Variants in ARL15 observed in about 807,000 individuals in gnomAD.
ARL15 encodes the protein ADP-ribosylation factor-like protein 15.
In ARL15, 19 loss-of-function variants were observed where a neutral mutation model predicts 25.2. The ratio of observed to expected loss-of-function variants is 0.75; its 90% CI spans 0.53 to 1.10. The LOEUF is 1.10. Ranked by LOEUF, ARL15 falls within the 50% of genes least tolerant of loss-of-function variation. The probability of loss-of-function intolerance (pLI) is 0.00; values close to 1 mark genes in which losing one functional copy is unlikely to be tolerated. For missense variants in ARL15, 220 were observed against 246.0 expected, an observed-to-expected ratio of 0.89 and a Z score of 0.71; for synonymous variants, 94 against 86.8, an observed-to-expected ratio of 1.08 and a Z score of -0.46.
At chr5:54,069,725 G>A (rs1276720513) in intron 4 of ARL15, among the ~76,000 whole-genome samples, 1 of 151,702 alleles carries the variant, frequency 6.6e-6, no homozygotes, top group Non-Finnish European at 1.5e-5. Flanking sequence ...TCGGCTCACT[G>A]CAACCTCTGC....
Position 54,158,238 on chromosome 5 carries a change from C to T in ARL15, c.194-3599G>A, listed in dbSNP as rs573843900. On this transcript the variant is annotated intron_variant, in intron 2 of 4. Coordinates refer to ENST00000504924, the MANE Select transcript of ARL15 (RefSeq NM_019087.3). ...AAGAAAGTCTAGGTTCAAACTCTTC[C>T]TATTCCATTTATTAACTGTTTGACT... Among the ~76,000 whole-genome samples the T allele has an allele frequency of 1.1e-4, 16 of 152,266 alleles. No individual in the cohort carries two copies. In the South Asian group the frequency reaches 2.7e-3, roughly 26 times the overall value.
At chr5:54,131,134 C>A (rs555154372) in intron 3 of ARL15, among the ~76,000 whole-genome samples, 2 of 152,286 alleles carry the variant, frequency 1.3e-5, no homozygotes, top group East Asian at 1.9e-4. Flanking sequence ...TAAGCAGTTT[C>A]TGTTTATCCT....
chr5:54,102,174 G>A (rs977643269), intron 4 of ARL15, among the ~76,000 whole-genome samples: 2 of 151,746 alleles, frequency 1.3e-5, no homozygotes, highest in African/African-American at 2.4e-5. Context: ...CACCACGCCC[G>A]GCTAATTTTT....
chr5:54,108,883 A>C (rs555486456), intron 4 of ARL15, among the ~76,000 whole-genome samples: 1 of 152,122 alleles, frequency 6.6e-6, no homozygotes, highest in African/African-American at 2.4e-5. Flanking sequence ...GTCTAATACT[A>C]AAAAGCGAAA....
At chr5:54,223,213 TA>T (rs919695933) in intron 1 of ARL15, among the ~76,000 whole-genome samples, 25 of 147,702 alleles carry the variant, frequency 1.7e-4, no homozygotes, top group South Asian at 8.6e-4. Context: ...TCCCACCATG[TA>T]AAAAAAAAAC....
intron 1 of ARL15, among the ~76,000 whole-genome samples, chr5:54,227,460 A>G (rs1756556266): frequency 6.6e-6 from 1 of 152,194 alleles, no homozygotes; most frequent in Non-Finnish European, 1.5e-5. Flanking sequence ...GCTTTTTATC[A>G]GTGAAAAAAT....
chr5:54,008,532 G>T (rs1253883025), intron 4 of ARL15, among the ~76,000 whole-genome samples: 2 of 152,210 alleles, frequency 1.3e-5, no homozygotes, highest in Non-Finnish European at 2.9e-5. Context: ...AGGGGTTGGA[G>T]AATGTGGCCT....
intron 4 of ARL15, among the ~76,000 whole-genome samples, chr5:53,893,179 A>T (rs1456546571): frequency 6.6e-6 from 1 of 152,120 alleles, no homozygotes; most frequent in Non-Finnish European, 1.5e-5. Flanking sequence ...GCAATAGCTG[A>T]TTGTGTGCAT....
chr5:54,025,613 A>G (rs541083342), intron 4 of ARL15, among the ~76,000 whole-genome samples: 2 of 152,272 alleles, frequency 1.3e-5, no homozygotes, highest in South Asian at 2.1e-4. Flanking sequence ...TTCTTTCCTC[A>G]GTTTAGTGGG....
At chr5:54,117,706 C>A (rs1374533410) in intron 3 of ARL15, among the ~76,000 whole-genome samples, 1 of 152,114 alleles carries the variant, frequency 6.6e-6, no homozygotes, top group Non-Finnish European at 1.5e-5. Flanking sequence ...AGCTACTTCA[C>A]ACAACTCCAT....
chr5:54,065,919 A>G (rs748070304), intron 4 of ARL15, among the ~76,000 whole-genome samples: 11 of 152,220 alleles, frequency 7.2e-5, no homozygotes, highest in Non-Finnish European at 1.5e-4. Context: ...AATTTAGATT[A>G]CATACATGGC....
At chr5:54,031,063 C>T (rs1749967018) in intron 4 of ARL15, among the ~76,000 whole-genome samples, 1 of 152,042 alleles carries the variant, frequency 6.6e-6, no homozygotes, top group Admixed American at 6.5e-5. Flanking sequence ...TACATGTGTA[C>T]AGGTTGGGAC....
At chr5:53,970,006 A>C (rs1163239532) in intron 4 of ARL15, among the ~76,000 whole-genome samples, 5 of 152,210 alleles carry the variant, frequency 3.3e-5, no homozygotes, top group African/African-American at 1.2e-4. Flanking sequence ...GCTGGATAAA[A>C]GGGAGAACCT....
chr5:53,970,146 T>C (rs1747690667), intron 4 of ARL15, among the ~76,000 whole-genome samples: 1 of 152,196 alleles, frequency 6.6e-6, no homozygotes, highest in Non-Finnish European at 1.5e-5. Flanking sequence ...CAAAAAAATT[T>C]GAAATTAATT....
intron 4 of ARL15, among the ~76,000 whole-genome samples, chr5:54,008,911 G>T (rs947072838): frequency 6.6e-6 from 1 of 152,110 alleles, no homozygotes; most frequent in Non-Finnish European, 1.5e-5. Context: ...TCAGTATTGT[G>T]GCTGATTGGA....
At chr5:53,943,759 AATT>A (rs575947908) in intron 4 of ARL15, among the ~76,000 whole-genome samples, 2 of 152,270 alleles carry the variant, frequency 1.3e-5, no homozygotes, top group South Asian at 4.1e-4. Context: ...AAGCTGGATA[AATT>A]TTCTACCTGA....
rs1486718540 is a variant in ARL15, at chr5:54,084,338, G to C, written c.462+28864C>G. Among the ~76,000 whole-genome samples the C allele has an allele frequency of 1.3e-5, 2 of 150,716 alleles. 1 individual carries two copies. Among genetic ancestry groups the C allele is most frequent in the African/African-American group, 4.9e-5 (2 of 40,942 alleles). On this transcript the variant is annotated intron_variant, in intron 4 of 4. Coordinates refer to ENST00000504924, the MANE Select transcript of ARL15 (RefSeq NM_019087.3). The stretch of plus-strand genomic sequence containing the variant: ...CTGGGTGGGGTAAGACTATTCTTGG[G>C]CTCATCTAGTCTTAGAGATCTGGAG...
intron 4 of ARL15, among the ~76,000 whole-genome samples, chr5:53,975,513 G>C (rs1334607630): frequency 6.6e-6 from 1 of 152,184 alleles, no homozygotes; most frequent in African/African-American, 2.4e-5. Context: ...CATGATGTAG[G>C]GCAGTAAGCA....
At chr5:54,117,918 G>A (rs1025934333) in intron 3 of ARL15, among the ~76,000 whole-genome samples, 3 of 152,168 alleles carry the variant, frequency 2.0e-5, no homozygotes, top group Non-Finnish European at 2.9e-5. Context: ...GAGCCTGACA[G>A]CTTTTCAGTG....
Sources: gnomAD v4.1 joint callset for allele counts (sites outside exome capture counted in the v4.1 genomes callset) on GRCh38, gnomAD v4.1.1 for gene constraint, MANE v1.5 for transcripts, NCBI Gene and HGNC (gene_info 2026-07-23, HGNC 2026-07-21) for gene names.